The following TET3 variants were observed in gnomAD, a reference collection of about 807,000 sequenced individuals.
The protein encoded by TET3 is methylcytosine dioxygenase TET3.
TET3 carries 19 observed loss-of-function variants against 141.4 expected under a neutral mutation model. The observed-to-expected ratio is 0.13, with a 90% CI of 0.09 to 0.20. The LOEUF (loss-of-function observed/expected upper bound fraction) is 0.20. TET3 is among the 10% of genes least tolerant of loss of function. The pLI, the probability that TET3 is intolerant of heterozygous loss-of-function variation, is 1.00. For synonymous variants in TET3, 1,043 were observed against 980.9 expected, an observed-to-expected ratio of 1.06 and a Z score of -1.18; for missense variants, 1,874 against 2,356.9, an observed-to-expected ratio of 0.80 and a Z score of 4.24.
chr2:74,090,156 T>C, intron 8 of TET3, 109 bp downstream of exon 8: 1 of 1,490,196 alleles, frequency 6.7e-7, no homozygotes, highest in Non-Finnish European at 9.0e-7. Flanking sequence ...GCACAGGAAG[T>C]GGAACTTGTT....
rs1056157986 is a variant in TET3, at chr2:73,986,045, C to T, written c.-359C>T. 4 of 195,708 alleles carry T rather than the reference C, an allele frequency of 2.0e-5. No homozygotes were observed. The highest frequency in any genetic ancestry group is 4.1e-5 in the Non-Finnish European group (4 of 97,590). 12.1% of individuals were successfully genotyped at this position (195,708 alleles called of 1,614,324 possible). ...ATACCAGGAGAAACTGCTCACTCAG[C>T]TCTGCCCCCACCACACCCCTACCTG... On this transcript the variant is annotated 5_prime_UTR_variant, in exon 2 of 12. Transcript: ENST00000409262.
At chr2:74,117,895 A>AC in the TET3 span, among the ~76,000 whole-genome samples, 62 of 151,982 alleles carry the variant, frequency 4.1e-4, no homozygotes, top group African/African-American at 1.5e-3. Flanking sequence ...ACAGGCACCC[A>AC]CCACCACACC....
chr2:74,026,847 C>T (rs1686392781), intron 3 of TET3, among the ~76,000 whole-genome samples: 1 of 152,160 alleles, frequency 6.6e-6, no homozygotes, highest in African/African-American at 2.4e-5. Context: ...TTTCCAGGCC[C>T]CCTGCCCATG....
At position 73,997,791 on chromosome 2, in the gene TET3, A is replaced by G. The variant is rs1487244045; in HGVS notation, c.304-5319A>G. 3.3e-5 allele frequency among the ~76,000 whole-genome samples: 5 copies of G among 152,122 alleles called. 1 individual carries two copies. Among genetic ancestry groups the G allele is most frequent in the Admixed American group, 3.3e-4 (5 of 15,276 alleles). On this transcript the variant is annotated intron_variant, in intron 2 of 11. Transcript: ENST00000409262. ...GTCTGAGCGGTGGGTAAAGGTAGGC[A>G]CATTAACTCTGTGTGTCCTTAATGA...
chr2:74,014,620 A>G (rs1685636597), intron 3 of TET3, among the ~76,000 whole-genome samples: 1 of 152,112 alleles, frequency 6.6e-6, no homozygotes, highest in African/African-American at 2.4e-5. Flanking sequence ...GGATTAGAGC[A>G]TATCCTAGGC....
chr2:74,038,943 C>A (rs1218715467), intron 3 of TET3, among the ~76,000 whole-genome samples: 2 of 152,184 alleles, frequency 1.3e-5, no homozygotes, highest in Non-Finnish European at 2.9e-5. Context: ...TAAATTTAAT[C>A]ACTTAACCTC....
intron 3 of TET3, among the ~76,000 whole-genome samples, chr2:74,036,512 T>C (rs1365195092): frequency 6.6e-6 from 1 of 152,226 alleles, no homozygotes; most frequent in Admixed American, 6.5e-5. Flanking sequence ...TGTCTTCTGT[T>C]GGCTTGTTTA....
At chr2:73,996,217 T>C (rs192666004) in intron 2 of TET3, among the ~76,000 whole-genome samples, 125 of 152,290 alleles carry the variant, frequency 8.2e-4, no homozygotes, top group African/African-American at 2.9e-3. Flanking sequence ...TTGTCACTAA[T>C]TTCCCACTCC....
At position 74,048,316 on chromosome 2, in the gene TET3, A is replaced by C. The variant is rs1293116274; in HGVS notation, c.2399A>C (p.Glu800Ala). 3 of 1,613,794 alleles carry C rather than the reference A, an allele frequency of 1.9e-6. No individual in the cohort carries two copies. The highest frequency in any genetic ancestry group is 3.3e-5 in the Admixed American group (2 of 60,000). Residue 800 changes from glutamate to alanine, a missense_variant, in exon 4 of 12, where the codon GAG becomes GCG. Glu to Ala is a moderately radical substitution (Grantham distance 107, BLOSUM62 -1). This residue lies in a region of TET3 where 83 missense variants were observed against 107.0 expected (regional missense o/e 0.78). Coordinates refer to ENST00000409262, the MANE Select transcript of TET3 (RefSeq NM_001287491.2). ...ACACCCACCCTCAGTGGCTTCTTGGAGTCACCTCTTAAGTACCTGGACACA... is the reference window on the plus strand; with the variant it reads ...ACACCCACCCTCAGTGGCTTCTTGGCGTCACCTCTTAAGTACCTGGACACA... ...PLTPTLSGFL[E>A]SPLKYLDTPT... is the part of the protein sequence containing the mutation.
In TET3 at chr2:74,059,341, C is replaced by G. The variant is rs1688378371; in HGVS notation, c.2494+10930C>G. Among the ~76,000 whole-genome samples, 3 of 152,252 alleles carry G rather than the reference C, an allele frequency of 2.0e-5. No individual in the cohort carries two copies. The South Asian group carries it at 6.2e-4, about 32-fold the overall frequency. On this transcript the variant is annotated intron_variant, in intron 4 of 11. Transcript: ENST00000409262. ...AATATCGGCTTACTGCAACCTTCGC[C>G]TCCCCGGTTCAGGTGATTCTCCTGG...
Position 74,100,394 on chromosome 2 carries a change from C to A in TET3, c.3606C>A (p.Gly1202=), listed in dbSNP as rs779181384. 1.3e-6 allele frequency: 2 copies of A among 1,558,794 alleles called. No individual in the cohort carries two copies. Among genetic ancestry groups the A allele is most frequent in the Non-Finnish European group, 1.7e-6 (2 of 1,151,050 alleles). ...CCATCTTGCCTTCTGTTTCCCCAGG[C>A]CTGTCTCTGAAGGGTGGATTGTCCC... ...LELAGITSDP[G]LSLKGGLSQQ... is the part of the protein sequence containing the mutation. The change falls in exon 12 of 12, where the codon GGC becomes GGA. Residue 1202 remains glycine (G), a splice_region_variant and synonymous_variant. Transcript: ENST00000409262.
chr2:74,109,921 C>T (rs1168786887), downstream of TET3, among the ~76,000 whole-genome samples: 8 of 152,146 alleles, frequency 5.3e-5, no homozygotes, highest in African/African-American at 9.7e-5. Flanking sequence ...TTGGAAAGAA[C>T]ATAGATCCCT....
intron 3 of TET3, among the ~76,000 whole-genome samples, chr2:74,033,765 A>G (rs994946372): frequency 6.6e-6 from 1 of 152,190 alleles, no homozygotes; most frequent in Non-Finnish European, 1.5e-5. Flanking sequence ...AATGCTAACA[A>G]AGTAAGCACA....
At chr2:74,109,504 T>G (rs1691651130), downstream of TET3, among the ~76,000 whole-genome samples, 1 of 152,240 alleles carries the variant, frequency 6.6e-6, no homozygotes, top group African/African-American at 2.4e-5. Flanking sequence ...CAGAAGCATT[T>G]AATCATCCCT....
chr2:73,985,272 C>T (rs908667742), intron 1 of TET3, 115 bp downstream of exon 1: 10 of 138,000 alleles, frequency 7.2e-5, no homozygotes, highest in Admixed American at 6.4e-4. Context: ...GGGGGCCGCT[C>T]CTCCGGTGCG....
chr2:74,040,191 G>T lies in TET3; in HGVS notation c.361-6087G>T, dbSNP rs1420037159. 7.2e-5 allele frequency among the ~76,000 whole-genome samples: 11 copies of T among 152,226 alleles called. No homozygotes were observed. The East Asian group carries it at 2.1e-3, about 29-fold the overall frequency. On this transcript the variant is annotated intron_variant, in intron 3 of 11. Coordinates refer to ENST00000409262, the MANE Select transcript of TET3 (RefSeq NM_001287491.2). ...TGGTGGCTGGGAGTCTTAAGAGAGG[G>T]TATGTTCAAGAGATTGTAGAGTGGA...
chr2:74,050,215 T>C (rs1687874640), intron 4 of TET3, among the ~76,000 whole-genome samples: 1 of 152,254 alleles, frequency 6.6e-6, no homozygotes, highest in Admixed American at 6.5e-5. Context: ...CATCACTTAC[T>C]AGCTGGGAGT....
Position 74,062,157 on chromosome 2 carries a change from G to A in TET3, c.2495-11392G>A, listed in dbSNP as rs548910767. On this transcript the variant is annotated intron_variant, in intron 4 of 11. Coordinates refer to ENST00000409262, the MANE Select transcript of TET3 (RefSeq NM_001287491.2). The stretch of plus-strand genomic sequence containing the variant: ...TTGAGCACTGAGTGAACCAGACTCC[G>A]TCTGCAATCCCGGCACCTCGGGAGG... 2.7e-3 allele frequency among the ~76,000 whole-genome samples: 417 copies of A among 152,326 alleles called. 5 individuals carry two copies. The highest frequency in any genetic ancestry group is 8.4e-3 in the African/African-American group (348 of 41,576).
chr2:74,104,555 AT>A lies in TET3; in HGVS notation c.*2380del, dbSNP rs1691401322. On this transcript the variant is annotated 3_prime_UTR_variant, in exon 12 of 12. Coordinates refer to ENST00000409262, the MANE Select transcript of TET3 (RefSeq NM_001287491.2). ...CATTTTAAATGATCTTAAGCAAGAAATACAATATTTTACGAAACATTTGGAG... is the reference window on the plus strand; with the variant it reads ...CATTTTAAATGATCTTAAGCAAGAAAACAATATTTTACGAAACATTTGGAG... 2 of 152,222 alleles carry A rather than the reference AT, an allele frequency of 1.3e-5. No homozygotes were observed. Among genetic ancestry groups the A allele is most frequent in the Admixed American group, 1.3e-4 (2 of 15,286 alleles). The allele number at this position is 152,222 out of a possible 1,614,324, so 9.4% of individuals were successfully genotyped here.
Sources: gnomAD v4.1 joint callset for allele counts (sites outside exome capture counted in the v4.1 genomes callset) on GRCh38, gnomAD v4.1.1 for gene constraint, gnomAD v4.1.1 regional missense constraint, MANE v1.5 for transcripts, NCBI Gene and HGNC (gene_info 2026-07-23, HGNC 2026-07-21) for gene names.